BAZ2B: variants seen among roughly 807,000 people sequenced by gnomAD.
BAZ2B encodes bromodomain adjacent to zinc finger domain protein 2B.
Under a neutral mutation model 246.0 loss-of-function variants are expected in BAZ2B, and 91 were observed. The ratio of observed to expected loss-of-function variants is 0.37; its 90% CI spans 0.31 to 0.44. BAZ2B has a LOEUF of 0.44. Among genes scored for constraint, BAZ2B ranks in the 20% least tolerant of loss-of-function variants. BAZ2B has a pLI of 1.00. For synonymous variants in BAZ2B, 855 were observed against 860.0 expected (o/e 0.99, Z 0.10); for missense variants, 2,332 against 2,533.7 (o/e 0.92, Z 1.71).
At chr2:159,456,285 A>G (rs1208907414) in intron 3 of BAZ2B, among the ~76,000 whole-genome samples, 2 of 152,056 alleles carry the variant, frequency 1.3e-5, no homozygotes, top group African/African-American at 2.4e-5. Context: ...TAAGTAATAA[A>G]TAATTGGTAG....
intron 31 of BAZ2B, among the ~76,000 whole-genome samples, chr2:159,338,115 C>T (rs1233678574): frequency 6.6e-6 from 1 of 152,128 alleles, no homozygotes; most frequent in East Asian, 1.9e-4. Flanking sequence ...CTTTGCTCTT[C>T]CTTTCTGTTT....
chr2:159,411,726 G>A (rs2066869980), intron 14 of BAZ2B, among the ~76,000 whole-genome samples: 1 of 152,106 alleles, frequency 6.6e-6, no homozygotes, highest in Admixed American at 6.5e-5. Flanking sequence ...GACATTTTAT[G>A]TATAATGTCA....
chr2:159,476,566 C>T (rs764636132), intron 3 of BAZ2B, among the ~76,000 whole-genome samples: 3 of 152,128 alleles, frequency 2.0e-5, no homozygotes, highest in Non-Finnish European at 4.4e-5. Flanking sequence ...GAACTGCAAG[C>T]AAATTCCAAT....
Position 159,586,040 on chromosome 2 carries a change from C to G in BAZ2B, c.-45-30175G>C, listed in dbSNP as rs117451545. On this transcript the variant is annotated intron_variant, in intron 1 of 36. Coordinates refer to ENST00000392783, the MANE Select transcript of BAZ2B (RefSeq NM_013450.4). ...GTAAGGCAGATTTCATACTCAGAAT[C>G]TGAATGTACAAGTCAGTCATTTTAT... 6.2e-4 allele frequency among the ~76,000 whole-genome samples: 95 copies of G among 152,300 alleles called. 1 individual carries two copies. In the East Asian group the frequency reaches 0.017, roughly 27 times the overall value.
At chr2:159,366,076 T>G (rs2060187947) in intron 27 of BAZ2B, among the ~76,000 whole-genome samples, 1 of 152,194 alleles carries the variant, frequency 6.6e-6, no homozygotes, top group Non-Finnish European at 1.5e-5. Context: ...TAACCAGAGT[T>G]CTCATTTGCC....
chr2:159,563,507 T>C (rs1478603762), intron 1 of BAZ2B, among the ~76,000 whole-genome samples: 1 of 152,156 alleles, frequency 6.6e-6, no homozygotes, highest in African/African-American at 2.4e-5. Context: ...CTTAAAAATA[T>C]TTAACAGCAA....
At position 159,383,597 on chromosome 2, in the gene BAZ2B, A is replaced by C. The variant is rs772304670; in HGVS notation, c.3761+9T>G. On this transcript the variant is annotated intron_variant, in intron 24 of 36. Coordinates refer to ENST00000392783, the MANE Select transcript of BAZ2B (RefSeq NM_013450.4). ...AACAGTACATTAACTTTAATAAAACAGGACTTACTTGCGGAGTTTACCTTC... is the reference window on the plus strand; with the variant it reads ...AACAGTACATTAACTTTAATAAAACCGGACTTACTTGCGGAGTTTACCTTC... 2 of 1,600,480 alleles carry C rather than the reference A, an allele frequency of 1.2e-6. No homozygotes were observed. Among genetic ancestry groups the C allele is most frequent in the East Asian group, 2.2e-5 (1 of 44,590 alleles).
the BAZ2B span, among the ~76,000 whole-genome samples, chr2:159,707,577 C>G: frequency 1.3e-5 from 2 of 152,022 alleles, no homozygotes; most frequent in Non-Finnish European, 2.9e-5. Context: ...CCTGTAATCC[C>G]AGCACTTTGG....
Position 159,438,318 on chromosome 2 carries a change from T to C in BAZ2B, c.1278A>G (p.Glu426=). ...TSEESSLLTS[E]LRSKREQYKQ... ...TGTAACTCACCCGTTTGGATCTCAA[T>C]TCACTGGTCAATAAACTAGATTCTT... Residue 426 remains glutamate (E), a synonymous_variant, in exon 8 of 37, where the codon GAA becomes GAG. Coordinates refer to ENST00000392783, the MANE Select transcript of BAZ2B (RefSeq NM_013450.4). 6.2e-7 allele frequency: 1 copy of C among 1,613,296 alleles called. No homozygotes were observed. Among genetic ancestry groups the C allele is most frequent in the Non-Finnish European group, 8.5e-7 (1 of 1,179,764 alleles).
At chr2:159,566,940 T>C (rs907994961) in intron 1 of BAZ2B, among the ~76,000 whole-genome samples, 7 of 151,582 alleles carry the variant, frequency 4.6e-5, no homozygotes, top group Non-Finnish European at 8.8e-5. Context: ...AAGATAAGGG[T>C]GGAATTAAAA....
At chr2:159,511,250 C>T (rs2082888647) in intron 2 of BAZ2B, among the ~76,000 whole-genome samples, 1 of 152,118 alleles carries the variant, frequency 6.6e-6, no homozygotes, top group Admixed American at 6.6e-5. Flanking sequence ...GTCACCCAGG[C>T]TGGAGTGCAA....
At chr2:159,454,556 GA>G (rs1430150437) in intron 3 of BAZ2B, among the ~76,000 whole-genome samples, 1 of 152,126 alleles carries the variant, frequency 6.6e-6, no homozygotes, top group Non-Finnish European at 1.5e-5. Flanking sequence ...CTCAACCTAA[GA>G]AAGGTACAGT....
intron 1 of BAZ2B, among the ~76,000 whole-genome samples, chr2:159,569,388 A>G (rs1683393184): frequency 6.6e-6 from 1 of 152,128 alleles, no homozygotes; most frequent in South Asian, 2.1e-4. Flanking sequence ...TCCTTTCCTT[A>G]TATCTAGGCA....
At chr2:159,618,716 C>T (rs1290842312), upstream of BAZ2B, among the ~76,000 whole-genome samples, 1 of 152,058 alleles carries the variant, frequency 6.6e-6, no homozygotes, top group Non-Finnish European at 1.5e-5. Context: ...TTTACCTAAT[C>T]ATTAGCATTA....
chr2:159,324,989 CTTTACAA>C, intron 35 of BAZ2B, 35 bp from the exon 36 acceptor site: 2 of 1,347,984 alleles, frequency 1.5e-6, no homozygotes, highest in South Asian at 1.9e-5. Flanking sequence ...AGTATCCATA[CTTTACAA>C]CTGTCTTATT....
chr2:159,320,895 A>G (rs1438750555), intron 36 of BAZ2B, among the ~76,000 whole-genome samples: 2 of 152,186 alleles, frequency 1.3e-5, no homozygotes, highest in Non-Finnish European at 2.9e-5. Flanking sequence ...ACACCCCAAG[A>G]TATGGTGCTC....
chr2:159,465,759 C>T (rs1308131743), intron 3 of BAZ2B, among the ~76,000 whole-genome samples: 5 of 151,750 alleles, frequency 3.3e-5, no homozygotes, highest in Admixed American at 1.3e-4. Context: ...CTGTCTCTAC[C>T]AAAAATACAA....
the BAZ2B span, among the ~76,000 whole-genome samples, chr2:159,662,651 A>C: frequency 6.6e-5 from 10 of 151,592 alleles, no homozygotes; most frequent in South Asian, 4.2e-4. Flanking sequence ...CAGCCTCCCG[A>C]GTAGCTGAGA....
chr2:159,469,324 A>C (rs1254858512), intron 3 of BAZ2B, among the ~76,000 whole-genome samples: 1 of 152,186 alleles, frequency 6.6e-6, no homozygotes, highest in Non-Finnish European at 1.5e-5. Flanking sequence ...GGGCCCATAC[A>C]TTTAATGATG....
Sources: allele counts gnomAD v4.1 joint callset (sites outside exome capture counted in the v4.1 genomes callset), GRCh38; gene constraint gnomAD v4.1.1; transcripts MANE v1.5; gene names NCBI Gene and HGNC (gene_info 2026-07-23, HGNC 2026-07-21).